XPOT: variants seen among roughly 807,000 people sequenced by gnomAD.
XPOT encodes the protein exportin-T.
A neutral mutation model predicts 128.2 loss-of-function variants in XPOT; 34 were observed. The ratio of observed to expected loss-of-function variants is 0.27; its 90% CI spans 0.20 to 0.35. The LOEUF (loss-of-function observed/expected upper bound fraction) is 0.35. Ranked by LOEUF, XPOT falls within the 10% of genes least tolerant of loss-of-function variation. The pLI is 1.00. For synonymous variants in XPOT, 348 were observed against 394.3 expected (o/e 0.88, Z 1.39); for missense variants, 838 against 1,125.3 (o/e 0.74, Z 3.65).
chr12:64,432,306 C>T (rs973647458), intron 18 of XPOT, among the ~76,000 whole-genome samples: 2 of 151,390 alleles, frequency 1.3e-5, no homozygotes, highest in African/African-American at 2.4e-5. Context: ...AGTGCAGTGG[C>T]GCGGTCACAA....
chr12:64,420,388 A>G lies in XPOT; in HGVS notation c.710A>G (p.Glu237Gly). ...ATGCTGCTAGGTCATATGTCAATAG[A>G]AGTTCTACGGGAAGAAGCATGTGAC... ...INMLLGHMSI[E>G]VLREEACDCL... Residue 237 changes from glutamate to glycine, a missense_variant, in exon 8 of 25, where the codon GAA becomes GGA. Physicochemically the swap from Glu to Gly is moderately conservative, Grantham distance 98. This residue lies in a region of XPOT where 761 missense variants were observed against 988.3 expected (regional missense o/e 0.77). Coordinates refer to ENST00000332707, the MANE Select transcript of XPOT (RefSeq NM_007235.6). The G allele has an allele frequency of 6.2e-7, 1 of 1,613,808 alleles. No individual in the cohort carries two copies. The highest frequency in any genetic ancestry group is 8.5e-7 in the Non-Finnish European group (1 of 1,179,884).
intron 21 of XPOT, 121 bp downstream of exon 21, chr12:64,435,030 C>T: frequency 1.2e-6 from 1 of 809,706 alleles, no homozygotes; most frequent in Non-Finnish European, 1.9e-6. Context: ...GATTTCAGAT[C>T]AGGGTTCTTT....
intron 24 of XPOT, among the ~76,000 whole-genome samples, chr12:64,446,287 T>G (rs948801894): frequency 9.2e-5 from 14 of 152,188 alleles, no homozygotes; most frequent in African/African-American, 3.4e-4. Flanking sequence ...TAAAAAGTCT[T>G]CCTTCTGGGC....
chr12:64,441,210 C>T (rs968490128), intron 23 of XPOT, among the ~76,000 whole-genome samples: 4 of 152,136 alleles, frequency 2.6e-5, no homozygotes, highest in Admixed American at 1.3e-4. Flanking sequence ...TCTTAGTACC[C>T]TTGTTGAAGA....
At position 64,425,560 on chromosome 12, in the gene XPOT, T is replaced by G. The variant is rs562746209; in HGVS notation, c.1572+103T>G. 2.1e-6 allele frequency: 3 copies of G among 1,428,066 alleles called. No homozygotes were observed. In the African/African-American group the frequency reaches 4.3e-5, roughly 20 times the overall value. 88.5% of individuals were successfully genotyped at this position (1,428,066 alleles called of 1,614,324 possible). ...TATAACTTTTCTCAGAATCAAAACCTCTCAGAAGTGCTTGGCACACACTGA... is the reference window on the plus strand; with the variant it reads ...TATAACTTTTCTCAGAATCAAAACCGCTCAGAAGTGCTTGGCACACACTGA... On this transcript the variant is annotated intron_variant, in intron 14 of 24. Coordinates refer to ENST00000332707, the MANE Select transcript of XPOT (RefSeq NM_007235.6).
intron 14 of XPOT, 51 bp downstream of exon 14, chr12:64,425,508 G>C: frequency 6.3e-7 from 1 of 1,599,302 alleles, no homozygotes; most frequent in Non-Finnish European, 8.5e-7. Context: ...CTAATGACTT[G>C]ATAGTGTAGT....
At chr12:64,418,186 A>G in intron 5 of XPOT, 71 bp downstream of exon 5, 2 of 1,298,286 alleles carry the variant, frequency 1.5e-6, no homozygotes, top group South Asian at 2.6e-5. Flanking sequence ...AGAGTTTGGA[A>G]CTTTACCTCA....
chr12:64,441,389 C>G (rs2040323311), intron 23 of XPOT, among the ~76,000 whole-genome samples: 1 of 152,210 alleles, frequency 6.6e-6, no homozygotes, highest in African/African-American at 2.4e-5. Context: ...ATCCTTCTGC[C>G]TCTGCCTCCC....
chr12:64,410,716 C>G (rs1210382665), intron 2 of XPOT, among the ~76,000 whole-genome samples: 1 of 151,966 alleles, frequency 6.6e-6, no homozygotes, highest in Non-Finnish European at 1.5e-5. Flanking sequence ...GGTTACATGA[C>G]AAGAATCCAT....
chr12:64,424,492 G>A lies in XPOT; in HGVS notation c.1183-107G>A, dbSNP rs575170250. ...TTATACTTTAAGTTTTGGGGTACATGTGCAGAACGTGCAGGTTTGTTACAT... is the reference window on the plus strand; with the variant it reads ...TTATACTTTAAGTTTTGGGGTACATATGCAGAACGTGCAGGTTTGTTACAT... On this transcript the variant is annotated intron_variant, in intron 11 of 24. Transcript: ENST00000332707. 8 of 1,134,538 alleles carry A rather than the reference G, an allele frequency of 7.1e-6. No homozygotes were observed. The Admixed American group carries it at 1.0e-4, about 14-fold the overall frequency. The allele number at this position is 1,134,538 out of a possible 1,614,324, so 70.3% of individuals were successfully genotyped here.
At chr12:64,427,286 A>C (rs2040200759) in intron 15 of XPOT, among the ~76,000 whole-genome samples, 1 of 151,474 alleles carries the variant, frequency 6.6e-6, no homozygotes, top group African/African-American at 2.4e-5. Flanking sequence ...CACCCGGCTA[A>C]TTTTTTGTAT....
At chr12:64,416,558 A>C in intron 3 of XPOT, 140 bp from the exon 4 acceptor site, 1 of 609,400 alleles carries the variant, frequency 1.6e-6, no homozygotes, top group Non-Finnish European at 2.9e-6. Flanking sequence ...AATGTCATAA[A>C]ATGAGACCAG....
rs1202842055 is a variant in XPOT, at chr12:64,404,529, T to TG, written c.-346dup. On this transcript the variant is annotated 5_prime_UTR_variant, in exon 1 of 25. Coordinates refer to ENST00000332707, the MANE Select transcript of XPOT (RefSeq NM_007235.6). ...CCGGCCCTCGCGCTCTTTCCCTTCC[T>TG]GGGGCGCCGACCCCGCCCGCTTGCT... The TG allele has an allele frequency of 6.4e-6, 1 of 155,704 alleles. No individual in the cohort carries two copies. Among genetic ancestry groups the TG allele is most frequent in the African/African-American group, 2.4e-5 (1 of 41,374 alleles). 9.6% of individuals were successfully genotyped at this position (155,704 alleles called of 1,614,324 possible). A position where few individuals can be genotyped will look rare whatever the true frequency, so the allele number is the denominator to read the frequency against.
intron 16 of XPOT, 80 bp downstream of exon 16, chr12:64,428,200 T>A: frequency 1.0e-6 from 1 of 985,240 alleles, no homozygotes; most frequent in Non-Finnish European, 1.5e-6. Flanking sequence ...TTTGTTGGCA[T>A]TTAAAAAAAA....
At chr12:64,412,360 C>G (rs1054217249) in intron 2 of XPOT, among the ~76,000 whole-genome samples, 6 of 152,166 alleles carry the variant, frequency 3.9e-5, no homozygotes, top group Non-Finnish European at 7.4e-5. Flanking sequence ...TCGTCTTTGG[C>G]TTAAAACCTG....
At chr12:64,423,685 C>G (rs146338704) in intron 11 of XPOT, among the ~76,000 whole-genome samples, 1 of 152,270 alleles carries the variant, frequency 6.6e-6, no homozygotes, top group East Asian at 1.9e-4. Context: ...AACTCCTGGC[C>G]TCAAGTGATC....
At chr12:64,406,327 G>A (rs2039982607) in intron 1 of XPOT, among the ~76,000 whole-genome samples, 1 of 151,148 alleles carries the variant, frequency 6.6e-6, no homozygotes, top group South Asian at 2.1e-4. Flanking sequence ...GCCCACCTCG[G>A]CCTCCCAAAA....
chr12:64,434,285 C>T (rs1267392573), intron 19 of XPOT, among the ~76,000 whole-genome samples: 2 of 152,170 alleles, frequency 1.3e-5, no homozygotes, highest in African/African-American at 2.4e-5. Flanking sequence ...CAGGAGCCAC[C>T]GCGCCCAGCT....
chr12:64,440,998 A>C (rs2040320743), intron 23 of XPOT, among the ~76,000 whole-genome samples: 1 of 152,162 alleles, frequency 6.6e-6, no homozygotes, highest in Admixed American at 6.5e-5. Context: ...TCGTGATATC[A>C]ATGAAATCAT....
Sources: allele counts gnomAD v4.1 joint callset (sites outside exome capture counted in the v4.1 genomes callset), GRCh38; gene constraint gnomAD v4.1.1; regional missense constraint gnomAD v4.1.1; transcripts MANE v1.5; gene names NCBI Gene and HGNC (gene_info 2026-07-23, HGNC 2026-07-21).